Variants in WIPF3 observed in about 807,000 individuals in gnomAD.
WIPF3 encodes WAS/WASL interacting protein family member 3, also known as WAS/WASL-interacting protein family member 3.
In WIPF3, 33 loss-of-function variants were observed where a neutral mutation model predicts 38.9. The observed-to-expected ratio is 0.85, with a 90% confidence interval of 0.64 to 1.14. WIPF3 has a LOEUF of 1.14. Ranked by LOEUF, WIPF3 falls within the 50% of genes most tolerant of loss-of-function variation. WIPF3 has a pLI of 0.00. For missense variants in WIPF3, 711 were observed against 652.5 expected, an observed-to-expected ratio of 1.09 and a Z score of -0.98; for synonymous variants, 324 against 269.3, an observed-to-expected ratio of 1.20 and a Z score of -1.99.
At position 29,875,932 on chromosome 7, in the gene WIPF3, A is replaced by C. The variant is rs375470917; in HGVS notation, c.193A>C (p.Ile65Leu). 1.9e-6 allele frequency: 3 copies of C among 1,613,906 alleles called. No homozygotes were observed. The highest frequency in any genetic ancestry group is 2.7e-5 in the African/African-American group (2 of 74,940). ...AACTCGCCTGCGCAAAGTCACGCAG[A>C]TCAACGACCGCAGTGCCCCGCAGAT... ...QGTRLRKVTQ[I>L]NDRSAPQIES... The change falls in exon 3 of 9, where the codon ATC (isoleucine) becomes CTC (leucine). Residue 65 changes from isoleucine (I) to leucine (L), a missense_variant. Ile to Leu is a conservative substitution (Grantham distance 5). Coordinates refer to ENST00000242140, the MANE Select transcript of WIPF3 (RefSeq NM_001080529.3).
chr7:29,870,549 G>T (rs766703248), intron 2 of WIPF3, among the ~76,000 whole-genome samples: 5 of 152,182 alleles, frequency 3.3e-5, no homozygotes, highest in Non-Finnish European at 7.3e-5. Context: ...TGTGACAGCT[G>T]CAGATAGTAA....
chr7:29,861,942 A>G (rs1003481835), intron 2 of WIPF3, among the ~76,000 whole-genome samples: 1 of 152,234 alleles, frequency 6.6e-6, no homozygotes, highest in African/African-American at 2.4e-5. Flanking sequence ...TGGAAAAGAT[A>G]TATTTGAGCC....
At chr7:29,901,134 G>C (rs1786267144) in intron 7 of WIPF3, among the ~76,000 whole-genome samples, 1 of 152,096 alleles carries the variant, frequency 6.6e-6, no homozygotes, top group Admixed American at 6.5e-5. Flanking sequence ...TGAGGAGAGA[G>C]GTAAACAATA....
intron 4 of WIPF3, among the ~76,000 whole-genome samples, chr7:29,881,850 CT>C (rs1785725190): frequency 6.6e-6 from 1 of 152,256 alleles, no homozygotes; most frequent in Admixed American, 6.5e-5. Flanking sequence ...TGCCCTCAAT[CT>C]GGCCTTTCCC....
At position 29,884,250 on chromosome 7, in the gene WIPF3, G is replaced by A. The variant is rs138069702; in HGVS notation, c.756G>A (p.Leu252=). 1.5e-3 allele frequency: 2,274 copies of A among 1,528,254 alleles called. 33 individuals carry two copies. The African/African-American group carries it at 0.027, about 18-fold the overall frequency. The allele number at this position is 1,528,254 out of a possible 1,614,324, so 94.7% of individuals were successfully genotyped here. The change falls in exon 5 of 9, where the codon CTG becomes CTA. Residue 252 remains leucine, a synonymous_variant. Coordinates refer to ENST00000242140, the MANE Select transcript of WIPF3 (RefSeq NM_001080529.3). ...GTGACAAGGCAGTGAAGCCTCAGCT[G>A]GCTCCCTTGCACCTCCCGCCCATCC... The part of the protein sequence containing the change: ...VLSDKAVKPQ[L]APLHLPPIPP...
intron 1 of WIPF3, among the ~76,000 whole-genome samples, chr7:29,821,107 A>G (rs1784530416): frequency 6.6e-6 from 1 of 152,186 alleles, no homozygotes; most frequent in Admixed American, 6.5e-5. Flanking sequence ...TACAAATTCA[A>G]GAAACACACA....
chr7:29,822,948 A>G (rs1784564077), intron 1 of WIPF3, among the ~76,000 whole-genome samples: 1 of 152,212 alleles, frequency 6.6e-6, no homozygotes, highest in African/African-American at 2.4e-5. Flanking sequence ...TAGTGAGACC[A>G]CTTCCATTTC....
At chr7:29,909,638 T>C (rs999496703) in intron 8 of WIPF3, among the ~76,000 whole-genome samples, 8 of 152,130 alleles carry the variant, frequency 5.3e-5, no homozygotes, top group African/African-American at 1.9e-4. Context: ...GGCTTACACA[T>C]GTAATCACAG....
At chr7:29,820,784 G>T (rs1784522669) in intron 1 of WIPF3, among the ~76,000 whole-genome samples, 1 of 152,028 alleles carries the variant, frequency 6.6e-6, no homozygotes, top group Non-Finnish European at 1.5e-5. Flanking sequence ...GTGAGAAATA[G>T]ACGTGATTTA....
intron 7 of WIPF3, among the ~76,000 whole-genome samples, chr7:29,890,013 T>C: frequency 6.6e-6 from 1 of 152,154 alleles, no homozygotes; most frequent in Non-Finnish European, 1.5e-5. Flanking sequence ...GATTTCATTG[T>C]GTGGTCAGAC....
At chr7:29,855,385 A>C (rs142177616) in intron 2 of WIPF3, among the ~76,000 whole-genome samples, 2 of 152,344 alleles carry the variant, frequency 1.3e-5, no homozygotes, top group East Asian at 3.9e-4. Flanking sequence ...CTAATGACAT[A>C]AATTGCTGAG....
At chr7:29,827,528 G>T (rs1045253865) in intron 1 of WIPF3, among the ~76,000 whole-genome samples, 5 of 151,950 alleles carry the variant, frequency 3.3e-5, no homozygotes, top group Admixed American at 2.6e-4. Context: ...TCTCCTGGCC[G>T]CAAGGTACCT....
intron 1 of WIPF3, among the ~76,000 whole-genome samples, chr7:29,808,874 C>T (rs984723079): frequency 6.6e-6 from 1 of 152,102 alleles, no homozygotes; most frequent in South Asian, 2.1e-4. Context: ...AAGAATATAA[C>T]CTAGGAAAGA....
chr7:29,891,392 A>C (rs970236508), intron 7 of WIPF3, among the ~76,000 whole-genome samples: 1 of 152,190 alleles, frequency 6.6e-6, no homozygotes, highest in Non-Finnish European at 1.5e-5. Flanking sequence ...GCTCAGGTGG[A>C]TGTTCATCTC....
chr7:29,904,078 T>A (rs539010534), intron 7 of WIPF3, among the ~76,000 whole-genome samples: 3 of 152,292 alleles, frequency 2.0e-5, no homozygotes, highest in Admixed American at 2.0e-4. Context: ...GCCTTAATAA[T>A]TTGTTCTCTT....
At chr7:29,842,946 A>G (rs1466537649) in intron 2 of WIPF3, among the ~76,000 whole-genome samples, 1 of 152,186 alleles carries the variant, frequency 6.6e-6, no homozygotes, top group East Asian at 1.9e-4. Flanking sequence ...TAGTGTCACT[A>G]ATGAGGGACT....
intron 2 of WIPF3, among the ~76,000 whole-genome samples, chr7:29,864,003 C>A (rs139709682): frequency 9.2e-5 from 14 of 152,186 alleles, no homozygotes; most frequent in Middle Eastern, 3.4e-3. Context: ...TCCTCCTTCC[C>A]AATCTGTTAT....
At chr7:29,909,714 A>G (rs980239373) in intron 8 of WIPF3, among the ~76,000 whole-genome samples, 2 of 152,086 alleles carry the variant, frequency 1.3e-5, no homozygotes, top group South Asian at 4.1e-4. Flanking sequence ...TAGACAACAT[A>G]GCGAACCCTG....
In WIPF3 at chr7:29,875,916, G is replaced by A. The variant is rs1480665378; in HGVS notation, c.177G>A (p.Leu59=). ...CTGATATCCAGCAAGGAACTCGCCTGCGCAAAGTCACGCAGATCAACGACC... is the reference window on the plus strand; with the variant it reads ...CTGATATCCAGCAAGGAACTCGCCTACGCAAAGTCACGCAGATCAACGACC... ...LLADIQQGTR[L]RKVTQINDRS... The change falls in exon 3 of 9, where the codon CTG becomes CTA. Residue 59 remains leucine, a synonymous_variant. Coordinates refer to ENST00000242140, the MANE Select transcript of WIPF3 (RefSeq NM_001080529.3). 6.2e-7 allele frequency: 1 copy of A among 1,614,080 alleles called. No individual in the cohort carries two copies. The highest frequency in any genetic ancestry group is 1.1e-5 in the South Asian group (1 of 91,086).
Sources: allele counts gnomAD v4.1 joint callset (sites outside exome capture counted in the v4.1 genomes callset), GRCh38; gene constraint gnomAD v4.1.1; transcripts MANE v1.5; gene names NCBI Gene and HGNC (gene_info 2026-07-23, HGNC 2026-07-21).